SCHIP1: variants seen among roughly 807,000 people sequenced by gnomAD.
SCHIP1 encodes schwannomin-interacting protein 1.
A neutral mutation model predicts 29.7 loss-of-function variants in SCHIP1; 8 were observed. The ratio of observed to expected loss-of-function variants is 0.27; its 90% confidence interval spans 0.16 to 0.49. The LOEUF (loss-of-function observed/expected upper bound fraction) is 0.49. Ranked by LOEUF, SCHIP1 falls within the 20% of genes least tolerant of loss-of-function variation. The pLI, the probability that SCHIP1 is intolerant of heterozygous loss-of-function variation, is 0.99. For synonymous variants in SCHIP1, 76 were observed against 94.9 expected, an observed-to-expected ratio of 0.80 and a Z score of 1.16; for missense variants, 193 against 294.6, an observed-to-expected ratio of 0.66 and a Z score of 2.52.
chr3:159,537,370 G>T, the SCHIP1 span, among the ~76,000 whole-genome samples: 11 of 152,068 alleles, frequency 7.2e-5, no homozygotes, highest in Admixed American at 5.2e-4. Flanking sequence ...CTGTCTCAGG[G>T]CCTCTGAGGA....
the SCHIP1 span, among the ~76,000 whole-genome samples, chr3:159,796,700 G>A: frequency 3.0e-5 from 4 of 133,354 alleles, no homozygotes; most frequent in African/African-American, 9.2e-5. Flanking sequence ...TTGTCTTACA[G>A]CAAAGTACTG....
At chr3:159,752,766 C>T in the SCHIP1 span, among the ~76,000 whole-genome samples, 2 of 152,254 alleles carry the variant, frequency 1.3e-5, no homozygotes, top group South Asian at 2.1e-4. Context: ...CTCAGCAGGC[C>T]TCACCTCCAA....
chr3:159,680,706 T>TATATATAATATATGTATATATAATATAC, the SCHIP1 span, among the ~76,000 whole-genome samples: 6 of 12,422 alleles, frequency 4.8e-4, 2 homozygotes, highest in Middle Eastern at 0.062. Context: ...TAATATATAT[T>TATATATAATATATGTATATATAATATAC]ATATATAATA....
At chr3:159,380,860 T>C in the SCHIP1 span, among the ~76,000 whole-genome samples, 2 of 152,158 alleles carry the variant, frequency 1.3e-5, no homozygotes, top group Non-Finnish European at 2.9e-5. Flanking sequence ...TTTTATCATA[T>C]CATACTGCAT....
the SCHIP1 span, among the ~76,000 whole-genome samples, chr3:159,596,982 TAA>T: frequency 1.4e-5 from 2 of 141,394 alleles, no homozygotes; most frequent in Admixed American, 7.1e-5. Flanking sequence ...AAAGCATCTT[TAA>T]AAAAAAAAAA....
chr3:159,362,819 AG>A, the SCHIP1 span, among the ~76,000 whole-genome samples: 1 of 152,208 alleles, frequency 6.6e-6, no homozygotes, highest in Non-Finnish European at 1.5e-5. Flanking sequence ...GTCTCTACAC[AG>A]GTGGCCCCTG....
At chr3:159,751,928 T>G in the SCHIP1 span, among the ~76,000 whole-genome samples, 1 of 152,130 alleles carries the variant, frequency 6.6e-6, no homozygotes, top group Non-Finnish European at 1.5e-5. Context: ...GGGTGGATAC[T>G]TCGTACATAC....
chr3:159,762,062 C>T, the SCHIP1 span, among the ~76,000 whole-genome samples: 2 of 152,180 alleles, frequency 1.3e-5, no homozygotes, highest in Admixed American at 1.3e-4. Context: ...CTATCTAATT[C>T]CCAGCACACC....
the SCHIP1 span, among the ~76,000 whole-genome samples, chr3:159,472,144 T>C: frequency 4.8e-4 from 73 of 152,274 alleles, no homozygotes; most frequent in African/African-American, 1.7e-3. Context: ...TTATACAAAC[T>C]ATAAAACAGC....
the SCHIP1 span, among the ~76,000 whole-genome samples, chr3:159,773,857 A>G: frequency 2.0e-5 from 3 of 152,264 alleles, no homozygotes; most frequent in Non-Finnish European, 2.9e-5. Flanking sequence ...CTATCTAAAG[A>G]GTACCCTCCA....
chr3:159,761,321 AG>A, the SCHIP1 span, among the ~76,000 whole-genome samples: 4 of 152,226 alleles, frequency 2.6e-5, no homozygotes, highest in African/African-American at 9.6e-5. Flanking sequence ...TAGAATTGAC[AG>A]GACTTGTTGA....
At chr3:159,442,533 A>G in the SCHIP1 span, among the ~76,000 whole-genome samples, 3 of 152,328 alleles carry the variant, frequency 2.0e-5, no homozygotes, top group Non-Finnish European at 4.4e-5. Context: ...ATGAAAAGGA[A>G]GAGTAATTTA....
the SCHIP1 span, among the ~76,000 whole-genome samples, chr3:159,487,603 CTCTA>C: frequency 4.2e-4 from 64 of 152,302 alleles, no homozygotes; most frequent in African/African-American, 1.4e-3. Context: ...GCTGTGAATG[CTCTA>C]TCTGAGAAGG....
the SCHIP1 span, among the ~76,000 whole-genome samples, chr3:159,426,392 A>T: frequency 2.0e-5 from 3 of 152,248 alleles, no homozygotes; most frequent in Non-Finnish European, 4.4e-5. Context: ...ACCATCAGAG[A>T]ATACTACAAA....
At chr3:159,765,206 C>G in the SCHIP1 span, 7 of 1,453,364 alleles carry the variant, frequency 4.8e-6, no homozygotes, top group African/African-American at 1.5e-5. Context: ...AGCCCGCACG[C>G]CCCCTCCCTG....
At chr3:159,763,620 C>G in the SCHIP1 span, 1 of 152,884 alleles carries the variant, frequency 6.5e-6, no homozygotes, top group African/African-American at 2.4e-5. Flanking sequence ...GACTGCGCCG[C>G]GCCCGGCAGC....
the SCHIP1 span, among the ~76,000 whole-genome samples, chr3:159,675,777 C>T: frequency 6.6e-6 from 1 of 152,168 alleles, no homozygotes; most frequent in Admixed American, 6.5e-5. Flanking sequence ...GTGCTGTCTC[C>T]CCATCTTTGT....
the SCHIP1 span, among the ~76,000 whole-genome samples, chr3:159,646,427 G>C: frequency 6.6e-6 from 1 of 152,098 alleles, no homozygotes; most frequent in Non-Finnish European, 1.5e-5. Flanking sequence ...TGGACTGACA[G>C]ACTTTCTTAG....
At chr3:159,494,568 T>C in the SCHIP1 span, among the ~76,000 whole-genome samples, 1 of 152,178 alleles carries the variant, frequency 6.6e-6, no homozygotes, top group African/African-American at 2.4e-5. Context: ...AATTTGAATC[T>C]CTGATTAGAC....
Sources: gnomAD v4.1 joint callset for allele counts (sites outside exome capture counted in the v4.1 genomes callset) on GRCh38, gnomAD v4.1.1 for gene constraint, MANE v1.5 for transcripts, NCBI Gene and HGNC (gene_info 2026-07-23, HGNC 2026-07-21) for gene names.